Variants in SPTB observed in about 807,000 individuals in gnomAD.
The protein encoded by SPTB is spectrin beta, erythrocytic, also known as spectrin beta chain, erythrocytic.
In SPTB, 45 loss-of-function variants were observed where a neutral mutation model predicts 256.2. The observed-to-expected ratio is 0.18, with a 90% CI of 0.14 to 0.23. SPTB has a LOEUF of 0.23. SPTB is among the 10% of genes least tolerant of loss of function. The probability of loss-of-function intolerance (pLI) is 1.00; values close to 1 mark genes in which losing one functional copy is unlikely to be tolerated. For missense variants in SPTB, 2,715 were observed against 3,040.4 expected (o/e 0.89, Z 2.52); for synonymous variants, 1,231 against 1,243.1 (o/e 0.99, Z 0.21).
intron 1 of SPTB, among the ~76,000 whole-genome samples, chr14:64,860,709 A>G (rs752763924): frequency 1.3e-5 from 2 of 152,196 alleles, no homozygotes; most frequent in Non-Finnish European, 2.9e-5. Context: ...TCCACAAATA[A>G]TAAGCACTGA....
At chr14:64,814,755 C>G (rs1479875184) in intron 2 of SPTB, among the ~76,000 whole-genome samples, 1 of 152,220 alleles carries the variant, frequency 6.6e-6, no homozygotes, top group Admixed American at 6.5e-5. Context: ...GGCCTCCCCG[C>G]TCAGCCTCCC....
intron 1 of SPTB, among the ~76,000 whole-genome samples, chr14:64,831,780 A>C (rs2083455790): frequency 6.6e-6 from 1 of 152,240 alleles, no homozygotes; most frequent in Admixed American, 6.5e-5. Flanking sequence ...AATGCAGTGA[A>C]TGAACACGTG....
chr14:64,805,618 C>A (rs909515249), intron 2 of SPTB, among the ~76,000 whole-genome samples: 34 of 152,182 alleles, frequency 2.2e-4, no homozygotes, highest in African/African-American at 7.7e-4. Flanking sequence ...GCTCCCTGAG[C>A]CCAGGGAAAT....
chr14:64,857,632 G>A (rs1164022615), intron 1 of SPTB, among the ~76,000 whole-genome samples: 1 of 147,930 alleles, frequency 6.8e-6, no homozygotes, highest in African/African-American at 2.5e-5. Context: ...CATTTGGGGT[G>A]AATGGGAACA....
chr14:64,786,487 G>A lies in SPTB; in HGVS notation c.3478C>T (p.Arg1160Cys), dbSNP rs765222922. The change falls in exon 16 of 36, where the codon CGC (arginine) becomes TGC (cysteine). Residue 1160 changes from arginine to cysteine, a missense_variant. This residue lies in a region of SPTB where 2,239 missense variants were observed against 2,384.4 expected (regional missense o/e 0.94). Transcript: ENST00000644917. The surrounding 1 kb of genome is among the most constrained non-coding windows in gnomAD (Gnocchi z 5.6). ...AGGCACTGAGCGAGGGTGTGGCTGC[G>A]GCTCTCCCACATCCTGCCCAGGGCA... ...WNALGRMWES[R>C]SHTLAQCLGF... The A allele has an allele frequency of 1.4e-5, 22 of 1,613,940 alleles. No homozygotes were observed. Among genetic ancestry groups the A allele is most frequent in the Admixed American group, 8.3e-5 (5 of 59,996 alleles).
chr14:64,753,344 A>G (rs2081977266), intron 33 of SPTB, among the ~76,000 whole-genome samples, 193 bp downstream of exon 33: 1 of 152,154 alleles, frequency 6.6e-6, no homozygotes, highest in South Asian at 2.1e-4. Flanking sequence ...CAGGACCAGA[A>G]CTGGAGATAG....
chr14:64,801,178 C>T, intron 7 of SPTB, 107 bp downstream of exon 7: 1 of 959,930 alleles, frequency 1.0e-6, no homozygotes, highest in Non-Finnish European at 1.6e-6. Context: ...ACAGCTTGCC[C>T]AGCACCTGGG....
chr14:64,795,361 G>T lies in SPTB; in HGVS notation c.1620C>A (p.Ser540Arg). The change falls in exon 12 of 36, where the codon AGC (serine) becomes AGA (arginine). Residue 540 changes from serine (S) to arginine (R), a missense_variant. Ser to Arg is a moderately radical substitution (Grantham distance 110). Coordinates refer to ENST00000644917, the MANE Select transcript of SPTB (RefSeq NM_001355436.2). This position sits in a 1 kb window ranked among gnomAD's most constrained non-coding sequence, Gnocchi z 6.5. ...CCTTGATCTCATCCATCCAGTCGAT[G>T]CTGTGCAGCATGTCCTGGAAGAGCT... is the stretch of plus-strand genomic sequence containing the variant. Reference protein sequence around the residue: ...LQKLFQDMLHSIDWMDEIKAH... With the variant: ...LQKLFQDMLHRIDWMDEIKAH... The T allele has an allele frequency of 6.2e-7, 1 of 1,612,186 alleles. No homozygotes were observed. The highest frequency in any genetic ancestry group is 8.5e-7 in the Non-Finnish European group (1 of 1,180,014).
chr14:64,770,235 G>C (rs1255094172), intron 27 of SPTB, among the ~76,000 whole-genome samples: 2 of 152,220 alleles, frequency 1.3e-5, no homozygotes, highest in East Asian at 3.9e-4. Context: ...ACCTTAGATT[G>C]TGGGGATAGT....
chr14:64,769,681 T>C lies in SPTB; in HGVS notation c.5846A>G (p.Asn1949Ser), dbSNP rs772947721. 7.4e-6 allele frequency: 12 copies of C among 1,614,094 alleles called. No individual in the cohort carries two copies. In the East Asian group the frequency reaches 1.3e-4, roughly 18 times the overall value. The change falls in exon 28 of 36, where the codon AAT becomes AGT. Residue 1949 changes from asparagine (N) to serine (S), a missense_variant. By Grantham distance (46) the Asn-to-Ser change is conservative (BLOSUM62 1). This residue lies in a region of SPTB where 2,239 missense variants were observed against 2,384.4 expected (regional missense o/e 0.94). Coordinates refer to ENST00000644917, the MANE Select transcript of SPTB (RefSeq NM_001355436.2). ...CTTGCTCCGGGTTTCAATCTCTGCATTGATGCCCTGGTGATACTTCATGAG... is the reference window on the plus strand; with the variant it reads ...CTTGCTCCGGGTTTCAATCTCTGCACTGATGCCCTGGTGATACTTCATGAG... Reference protein sequence around the residue: ...ELLMKYHQGINAEIETRSKNF... With the variant: ...ELLMKYHQGISAEIETRSKNF...
rs984646452 is a variant in SPTB, at chr14:64,802,038, G to A, written c.566+188C>T. Among the ~76,000 whole-genome samples, 8 of 152,194 alleles carry A rather than the reference G, an allele frequency of 5.3e-5. No individual in the cohort carries two copies. Among genetic ancestry groups the A allele is most frequent in the Admixed American group, 2.0e-4 (3 of 15,282 alleles). On this transcript the variant is annotated intron_variant, in intron 5 of 35. Coordinates refer to ENST00000644917, the MANE Select transcript of SPTB (RefSeq NM_001355436.2). The surrounding 1 kb of genome is among the most constrained non-coding windows in gnomAD (Gnocchi z 5.1). Reference sequence around the variant, plus strand: ...ACACAGACCCCCCAGTCTGCCTGCAGGCAACTTTGGAAAAGAATCCTGTAT... The same window carrying A: ...ACACAGACCCCCCAGTCTGCCTGCAAGCAACTTTGGAAAAGAATCCTGTAT...
chr14:64,775,042 T>C lies in SPTB; in HGVS notation c.4842+83A>G, dbSNP rs1489734871. 6 of 1,597,954 alleles carry C rather than the reference T, an allele frequency of 3.8e-6. No homozygotes were observed. The African/African-American group carries it at 8.0e-5, about 21-fold the overall frequency. On this transcript the variant is annotated intron_variant, in intron 23 of 35. Coordinates refer to ENST00000644917, the MANE Select transcript of SPTB (RefSeq NM_001355436.2). This position sits in a 1 kb window ranked among gnomAD's most constrained non-coding sequence, Gnocchi z 5.0. Reference sequence around the variant, plus strand: ...GGCCTCACTCCTCACACAGTTGGACTCACAAGGCTCCCTACCGACAGCCAA... The same window carrying C: ...GGCCTCACTCCTCACACAGTTGGACCCACAAGGCTCCCTACCGACAGCCAA...
chr14:64,818,653 G>A (rs943888878), intron 2 of SPTB, among the ~76,000 whole-genome samples: 3 of 152,264 alleles, frequency 2.0e-5, no homozygotes. Flanking sequence ...CATTCTGACT[G>A]GTAAGTTCCC....
rs933571976 is a variant in SPTB at position 64,794,455 on chromosome 14, A to T, written c.1795+12T>A. The T allele has an allele frequency of 1.9e-6, 3 of 1,614,168 alleles. No individual in the cohort carries two copies. Among genetic ancestry groups the T allele is most frequent in the Non-Finnish European group, 1.7e-6 (2 of 1,180,038 alleles). On this transcript the variant is annotated intron_variant, in intron 13 of 35. Coordinates refer to ENST00000644917, the MANE Select transcript of SPTB (RefSeq NM_001355436.2). The stretch of plus-strand genomic sequence containing the variant: ...TTGGAAGCCTCAAAAGGGGAGACAG[A>T]CTTGGTCTCACCTTTCCCCTCGGTG...
intron 1 of SPTB, among the ~76,000 whole-genome samples, chr14:64,862,985 TAGA>T (rs563663520): frequency 3.9e-4 from 60 of 152,322 alleles, no homozygotes; most frequent in African/African-American, 1.4e-3. Context: ...CTACCTCACA[TAGA>T]AAGTACAGAT....
In SPTB at chr14:64,765,649, C is replaced by T. The variant is rs138153538; in HGVS notation, c.6345+1077G>A. ...TCTTGCCCCAGAACCAGCTCCATAT[C>T]CAGACTCACTGACCCACAGGCCTCA... On this transcript the variant is annotated intron_variant, in intron 32 of 35. Coordinates refer to ENST00000644917, the MANE Select transcript of SPTB (RefSeq NM_001355436.2). 9.7e-3 allele frequency among the ~76,000 whole-genome samples: 1,476 copies of T among 152,346 alleles called. 21 individuals are homozygous for T. The highest frequency in any genetic ancestry group is 0.034 in the African/African-American group (1,420 of 41,568).
chr14:64,808,144 C>T (rs1184010241), intron 2 of SPTB, among the ~76,000 whole-genome samples: 1 of 152,214 alleles, frequency 6.6e-6, no homozygotes, highest in African/African-American at 2.4e-5. Flanking sequence ...TCCTGAGTAG[C>T]TGGGACTACA....
intron 18 of SPTB, 116 bp from the exon 19 acceptor site, chr14:64,784,509 A>G (rs1450494031): frequency 7.3e-7 from 1 of 1,364,870 alleles, no homozygotes; most frequent in East Asian, 2.3e-5. Context: ...GTGCAAGCAC[A>G]GAAGAGAACC....
chr14:64,786,374 C>T lies in SPTB; in HGVS notation c.3561+30G>A, dbSNP rs764260161. 9.3e-6 allele frequency: 15 copies of T among 1,613,388 alleles called. No individual in the cohort carries two copies. Among genetic ancestry groups the T allele is most frequent in the Admixed American group, 6.7e-5 (4 of 60,010 alleles). ...ACAAGAGCTACTGCCCTGAGAGACC[C>T]GCCTGTCCCAGCCCTGAATGCCTCT... On this transcript the variant is annotated intron_variant, in intron 16 of 35. Transcript: ENST00000644917. The surrounding 1 kb of genome is among the most constrained non-coding windows in gnomAD (Gnocchi z 5.6).
Sources: allele counts gnomAD v4.1 joint callset (sites outside exome capture counted in the v4.1 genomes callset), GRCh38; gene constraint gnomAD v4.1.1; regional missense constraint gnomAD v4.1.1; non-coding constraint Gnocchi (gnomAD v3.1); transcripts MANE v1.5; gene names NCBI Gene and HGNC (gene_info 2026-07-23, HGNC 2026-07-21).